PHACTR2: variants seen among roughly 807,000 people sequenced by gnomAD.
The protein encoded by PHACTR2 is chromosome 6 open reading frame 56.
A neutral mutation model predicts 76.0 loss-of-function variants in PHACTR2; 30 were observed. The ratio of observed to expected loss-of-function variants is 0.39; its 90% CI spans 0.30 to 0.54. The LOEUF (loss-of-function observed/expected upper bound fraction) is 0.54, where lower values mean the gene tolerates loss of function less well. Among genes scored for constraint, PHACTR2 ranks in the 20% least tolerant of loss-of-function variants. PHACTR2 has a pLI of 0.61. For synonymous variants in PHACTR2, 292 were observed against 292.5 expected (o/e 1.00, Z 0.02); for missense variants, 696 against 781.1 (o/e 0.89, Z 1.30).
rs1781175320 is a variant in PHACTR2 at position 143,541,921 on chromosome 6, G to A, written c.217+4714G>A. 6.6e-6 allele frequency among the ~76,000 whole-genome samples: 1 copy of A among 152,204 alleles called. No individual in the cohort carries two copies. Among genetic ancestry groups the A allele is most frequent in the Non-Finnish European group, 1.5e-5 (1 of 68,022 alleles). ...CTTTGTGCTCCGAAAGGGTGTCTGG[G>A]TCCCAAGAGGCTTCTGAGCCCCAGC... On this transcript the variant is annotated intron_variant, in intron 1 of 11. Transcript: ENST00000367584. This position sits in a 1 kb window ranked among gnomAD's most constrained non-coding sequence, Gnocchi z 5.3.
rs1233184039 is a variant in PHACTR2, at chr6:143,616,308, C to T, written c.13+7986C>T. ...CTTTCTTAGACCTGAATCATTCAGT[C>T]CTGGCACAGCATTTATACCTTTACA... On this transcript the variant is annotated intron_variant, in intron 1 of 11. Coordinates refer to the PHACTR2 transcript ENST00000305766. This position sits in a 1 kb window ranked among gnomAD's most constrained non-coding sequence, Gnocchi z 4.9. Among the ~76,000 whole-genome samples, 3 of 152,160 alleles carry T rather than the reference C, an allele frequency of 2.0e-5. No homozygotes were observed. Among genetic ancestry groups the T allele is most frequent in the Non-Finnish European group, 4.4e-5 (3 of 68,034 alleles).
At chr6:143,728,336 C>G (rs924806357) in intron 2 of PHACTR2, among the ~76,000 whole-genome samples, 1 of 150,902 alleles carries the variant, frequency 6.6e-6, no homozygotes, top group Non-Finnish European at 1.5e-5. Flanking sequence ...CTCAGCCTCC[C>G]GAGTAGCTGG....
Position 143,708,470 on chromosome 6 carries a change from C to T in PHACTR2, c.47-3546C>T. Among the ~76,000 whole-genome samples, 1 of 152,184 alleles carries T rather than the reference C, an allele frequency of 6.6e-6. No individual in the cohort carries two copies. The highest frequency in any genetic ancestry group is 1.9e-4 in the East Asian group (1 of 5,194). ...GATCAAAATTAATGCTGAAAACAATCAGGAAATTTTACCTTTCATCTGGGA... is the reference window on the plus strand; with the variant it reads ...GATCAAAATTAATGCTGAAAACAATTAGGAAATTTTACCTTTCATCTGGGA... On this transcript the variant is annotated intron_variant, in intron 1 of 12. Transcript: ENST00000440869. This position sits in a 1 kb window ranked among gnomAD's most constrained non-coding sequence, Gnocchi z 5.5.
At chr6:143,712,668 T>A (rs1778204689) in intron 2 of PHACTR2, among the ~76,000 whole-genome samples, 1 of 152,176 alleles carries the variant, frequency 6.6e-6, no homozygotes, top group Admixed American at 6.5e-5. Context: ...TTTAAAAATG[T>A]ATTTTTTGAT....
intron 1 of PHACTR2, among the ~76,000 whole-genome samples, chr6:143,552,076 T>C (rs1775104704): frequency 6.6e-6 from 1 of 152,248 alleles, no homozygotes; most frequent in South Asian, 2.1e-4. Flanking sequence ...TAGTAGACTT[T>C]TGTAATCTCA....
At chr6:143,590,123 A>G (rs1321449189) in intron 1 of PHACTR2, among the ~76,000 whole-genome samples, 1 of 152,234 alleles carries the variant, frequency 6.6e-6, no homozygotes, top group Non-Finnish European at 1.5e-5. Flanking sequence ...TTACTTACTT[A>G]AAAATAAATT....
At chr6:143,790,649 T>G (rs1775659709) in intron 11 of PHACTR2, among the ~76,000 whole-genome samples, 1 of 152,044 alleles carries the variant, frequency 6.6e-6, no homozygotes, top group African/African-American at 2.4e-5. Flanking sequence ...CAGTTATGTA[T>G]GTTGCAAATA....
intron 1 of PHACTR2, among the ~76,000 whole-genome samples, chr6:143,681,107 A>G (rs980671101): frequency 6.6e-6 from 1 of 152,140 alleles, no homozygotes; most frequent in Non-Finnish European, 1.5e-5. Context: ...TTCATTTCTC[A>G]GGTATATATT....
rs1775225015 is a variant in PHACTR2, at chr6:143,774,333, G to GTA, written c.1589+118_1589+119insTA. 2.9e-6 allele frequency: 2 copies of GTA among 697,162 alleles called. No individual in the cohort carries two copies. The highest frequency in any genetic ancestry group is 1.8e-5 in the African/African-American group (1 of 54,122). 43.2% of individuals were successfully genotyped at this position (697,162 alleles called of 1,614,324 possible). On this transcript the variant is annotated intron_variant, in intron 8 of 12. Coordinates refer to ENST00000440869, the MANE Select transcript of PHACTR2 (RefSeq NM_001100164.2). This position sits in a 1 kb window ranked among gnomAD's most constrained non-coding sequence, Gnocchi z 5.4. ...ATGTACAGATACATCTGGCCTACTG[G>GTA]GTCTTTTAAAGTTGGTCTTGCATGA...
rs1174086676 is a variant in PHACTR2, at chr6:143,710,362, G to GT, written c.47-1646dup. 9.2e-5 allele frequency among the ~76,000 whole-genome samples: 14 copies of GT among 151,950 alleles called. No individual in the cohort carries two copies. Among genetic ancestry groups the GT allele is most frequent in the Non-Finnish European group, 1.5e-4 (10 of 67,988 alleles). On this transcript the variant is annotated intron_variant, in intron 1 of 12. Coordinates refer to ENST00000440869, the MANE Select transcript of PHACTR2 (RefSeq NM_001100164.2). This position sits in a 1 kb window ranked among gnomAD's most constrained non-coding sequence, Gnocchi z 4.9. ...ACATTTTTATGTAACACCCGTGGTT[G>GT]TTTTTTTTAGTTGTATTTAGCCAGA...
At position 143,652,513 on chromosome 6, in the gene PHACTR2, T is replaced by C. The variant is rs1476625057; in HGVS notation, c.13+44191T>C. Among the ~76,000 whole-genome samples, 1 of 152,240 alleles carries C rather than the reference T, an allele frequency of 6.6e-6. No individual in the cohort carries two copies. The highest frequency in any genetic ancestry group is 1.5e-5 in the Non-Finnish European group (1 of 68,038). On this transcript the variant is annotated intron_variant, in intron 1 of 11. Coordinates refer to the PHACTR2 transcript ENST00000305766. The surrounding 1 kb of genome is among the most constrained non-coding windows in gnomAD (Gnocchi z 4.5). ...TTCAAAGTGATGCACGCTGTGTTTT[T>C]CCCTGTGAGACGTGTGAATGCCTTG...
chr6:143,726,739 A>G (rs1000501809), intron 2 of PHACTR2, among the ~76,000 whole-genome samples: 2 of 152,254 alleles, frequency 1.3e-5, no homozygotes, highest in African/African-American at 4.8e-5. Context: ...TTTTATGTTA[A>G]CCATTCTAGT....
At chr6:143,559,060 G>C (rs1246773337) in intron 1 of PHACTR2, among the ~76,000 whole-genome samples, 2 of 152,128 alleles carry the variant, frequency 1.3e-5, no homozygotes, top group Non-Finnish European at 2.9e-5. Context: ...CTACCCATGT[G>C]GTTGGGCTGT....
intron 4 of PHACTR2, among the ~76,000 whole-genome samples, chr6:143,756,656 A>G (rs992407647): frequency 1.3e-4 from 20 of 149,270 alleles, no homozygotes; most frequent in Middle Eastern, 3.5e-3. Context: ...CCGAGATCGC[A>G]CCACTGCACT....
At position 143,581,942 on chromosome 6, in the gene PHACTR2, T is replaced by C. The variant is rs1328080736; in HGVS notation, c.217+44735T>C. On this transcript the variant is annotated intron_variant, in intron 1 of 11. Coordinates refer to the PHACTR2 transcript ENST00000367584. This position sits in a 1 kb window ranked among gnomAD's most constrained non-coding sequence, Gnocchi z 4.5. ...ATGGGGATGGCAAAAGGCAGAATCCTGGGCATTGGCATGAAGGCCTTGGGT... is the reference window on the plus strand; with the variant it reads ...ATGGGGATGGCAAAAGGCAGAATCCCGGGCATTGGCATGAAGGCCTTGGGT... 6.6e-6 allele frequency among the ~76,000 whole-genome samples: 1 copy of C among 152,198 alleles called. No homozygotes were observed. The highest frequency in any genetic ancestry group is 6.5e-5 in the Admixed American group (1 of 15,280).
intron 12 of PHACTR2, among the ~76,000 whole-genome samples, chr6:143,815,558 T>A (rs1776279277): frequency 6.6e-6 from 1 of 152,224 alleles, no homozygotes; most frequent in South Asian, 2.1e-4. Flanking sequence ...AGTAATATTT[T>A]ACCTTTGTGA....
At chr6:143,551,479 C>G (rs2128427430) in intron 1 of PHACTR2, among the ~76,000 whole-genome samples, 2 of 152,222 alleles carry the variant, frequency 1.3e-5, no homozygotes, top group Middle Eastern at 6.8e-3. Context: ...ATTTTTAATT[C>G]TTCATTTCTC....
In PHACTR2 at chr6:143,751,216, C is replaced by T. The variant is rs1203501236; in HGVS notation, c.295+2151C>T. Among the ~76,000 whole-genome samples, 2 of 152,208 alleles carry T rather than the reference C, an allele frequency of 1.3e-5. No homozygotes were observed. Among genetic ancestry groups the T allele is most frequent in the African/African-American group, 4.8e-5 (2 of 41,472 alleles). On this transcript the variant is annotated intron_variant, in intron 3 of 12. Transcript: ENST00000440869. This position sits in a 1 kb window ranked among gnomAD's most constrained non-coding sequence, Gnocchi z 5.7. ...AGCCAGATAGACTTTAAAAATCCCT[C>T]TAGCTACCCTGAGTCTGACCCCATC...
At position 143,739,659 on chromosome 6, in the gene PHACTR2, A is replaced by G. The variant is rs995019439; in HGVS notation, c.215-9326A>G. 2.6e-5 allele frequency among the ~76,000 whole-genome samples: 4 copies of G among 152,174 alleles called. No individual in the cohort carries two copies. Among genetic ancestry groups the G allele is most frequent in the Non-Finnish European group, 4.4e-5 (3 of 68,034 alleles). On this transcript the variant is annotated intron_variant, in intron 2 of 12. Transcript: ENST00000440869. The surrounding 1 kb of genome is among the most constrained non-coding windows in gnomAD (Gnocchi z 4.3). ...AGGCTGTGTTACACGTAGCACTCAAATCTTCGCTTCTAATTACTCTCCTGA... is the reference window on the plus strand; with the variant it reads ...AGGCTGTGTTACACGTAGCACTCAAGTCTTCGCTTCTAATTACTCTCCTGA...
Sources: allele counts gnomAD v4.1 joint callset (sites outside exome capture counted in the v4.1 genomes callset), GRCh38; gene constraint gnomAD v4.1.1; non-coding constraint Gnocchi (gnomAD v3.1); transcripts MANE v1.5; gene names NCBI Gene and HGNC (gene_info 2026-07-23, HGNC 2026-07-21).